Variants in GRIN2D observed in about 807,000 individuals in gnomAD.
The protein encoded by GRIN2D is glutamate receptor ionotropic, NMDA 2D.
Under a neutral mutation model 103.2 loss-of-function variants are expected in GRIN2D, and 37 were observed. The ratio of observed to expected loss-of-function variants is 0.36; its 90% confidence interval spans 0.28 to 0.47. The LOEUF (loss-of-function observed/expected upper bound fraction) is 0.47, where lower values mean the gene tolerates loss of function less well. Among genes scored for constraint, GRIN2D ranks in the 20% least tolerant of loss-of-function variants. GRIN2D has a pLI of 1.00. For missense variants in GRIN2D, 1,557 were observed against 1,910.6 expected (o/e 0.81, Z 3.45); for synonymous variants, 845 against 885.6 (o/e 0.95, Z 0.81).
At chr19:48,406,836 A>C (rs1389602339) in intron 4 of GRIN2D, among the ~76,000 whole-genome samples, 1 of 152,118 alleles carries the variant, frequency 6.6e-6, no homozygotes, top group Admixed American at 6.5e-5. Context: ...GTCTCACTGG[A>C]GTTTCCTTAG....
At chr19:48,396,882 C>T (rs1032215634) in intron 2 of GRIN2D, among the ~76,000 whole-genome samples, 30 of 152,212 alleles carry the variant, frequency 2.0e-4, no homozygotes, top group African/African-American at 6.7e-4. Flanking sequence ...CTCACCCCTT[C>T]TGGAAGCCCC....
At position 48,414,818 on chromosome 19, in the gene GRIN2D, TAAG is replaced by T; in HGVS notation, c.1413-45_1413-43del. 1 of 1,600,246 alleles carries T rather than the reference TAAG, an allele frequency of 6.2e-7. No homozygotes were observed. The highest frequency in any genetic ancestry group is 8.5e-7 in the Non-Finnish European group (1 of 1,171,154). On this transcript the variant is annotated intron_variant, in intron 6 of 13. Coordinates refer to ENST00000263269, the MANE Select transcript of GRIN2D (RefSeq NM_000836.4). This position sits in a 1 kb window ranked among gnomAD's most constrained non-coding sequence, Gnocchi z 4.6. Reference sequence around the variant, plus strand: ...CATATCCTCTCTTCATGAGAGAGTCTAAGGAGGGGGTCCCCAAACTCCCCAAGC... The same window carrying T: ...CATATCCTCTCTTCATGAGAGAGTCTGAGGGGGTCCCCAAACTCCCCAAGC...
chr19:48,417,009 T>G (rs1970957322), intron 8 of GRIN2D, among the ~76,000 whole-genome samples: 1 of 152,166 alleles, frequency 6.6e-6, no homozygotes, highest in African/African-American at 2.4e-5. Flanking sequence ...CCTCCCAAAA[T>G]GCTGGAATTA....
intron 4 of GRIN2D, among the ~76,000 whole-genome samples, chr19:48,408,784 C>T (rs1970821085): frequency 6.7e-6 from 1 of 149,760 alleles, no homozygotes; most frequent in Non-Finnish European, 1.5e-5. Flanking sequence ...CATACCACTG[C>T]ACTCCAGCCT....
At position 48,442,932 on chromosome 19, in the gene GRIN2D, G is replaced by A; in HGVS notation, c.3006G>A (p.Lys1002=). ...LSPPAAQPPQ[K]PPPSYFAIVR... is the part of the protein sequence containing the mutation. ...CGCCGGCCGCTCAGCCCCCGCAGAA[G>A]CCGCCGCCCTCCTATTTCGCCATCG... The change falls in exon 14 of 14, where the codon AAG becomes AAA. Residue 1002 remains lysine, a synonymous_variant. Transcript: ENST00000263269. The surrounding 1 kb of genome is among the most constrained non-coding windows in gnomAD (Gnocchi z 7.2). The A allele has an allele frequency of 8.8e-7, 1 of 1,132,632 alleles. No homozygotes were observed. Among genetic ancestry groups the A allele is most frequent in the Non-Finnish European group, 1.1e-6 (1 of 917,856 alleles). 70.2% of individuals were successfully genotyped at this position (1,132,632 alleles called of 1,614,324 possible).
intron 11 of GRIN2D, among the ~76,000 whole-genome samples, chr19:48,437,031 C>T (rs1049658972): frequency 6.6e-6 from 1 of 152,138 alleles, no homozygotes; most frequent in South Asian, 2.1e-4. Context: ...TGGGAACAAA[C>T]AAGAAAGAAA....
chr19:48,427,708 C>G (rs1971104925), intron 11 of GRIN2D, among the ~76,000 whole-genome samples: 1 of 151,830 alleles, frequency 6.6e-6, no homozygotes, highest in African/African-American at 2.4e-5. Flanking sequence ...ACCTTGAACT[C>G]TTGACCTTGT....
At position 48,442,409 on chromosome 19, in the gene GRIN2D, G is replaced by C. The variant is rs201199379; in HGVS notation, c.2673+27G>C. On this transcript the variant is annotated intron_variant, in intron 13 of 13. Transcript: ENST00000263269. The surrounding 1 kb of genome is among the most constrained non-coding windows in gnomAD (Gnocchi z 7.2). The stretch of plus-strand genomic sequence containing the variant: ...TATGGGGCAGAGAGGGAGGCAGAGA[G>C]GGGGAGATGGCAGGGGCGGGGACAA... The C allele has an allele frequency of 4.4e-6, 7 of 1,588,682 alleles. No individual in the cohort carries two copies. The highest frequency in any genetic ancestry group is 2.7e-5 in the African/African-American group (2 of 74,600).
intron 3 of GRIN2D, among the ~76,000 whole-genome samples, chr19:48,400,541 C>T (rs968854054): frequency 3.3e-5 from 5 of 152,212 alleles, no homozygotes; most frequent in African/African-American, 1.2e-4. Flanking sequence ...TCCCTCGTGC[C>T]TTCATTGCTG....
chr19:48,442,018 G>A lies in GRIN2D; in HGVS notation c.2440+62G>A, dbSNP rs1353220669. The stretch of plus-strand genomic sequence containing the variant: ...GGGAGGGCGAGGCCCCTGGGTTCCG[G>A]GGAAGAAAGGGACAAAGACCCGGAC... On this transcript the variant is annotated intron_variant, in intron 12 of 13. Coordinates refer to ENST00000263269, the MANE Select transcript of GRIN2D (RefSeq NM_000836.4). The surrounding 1 kb of genome is among the most constrained non-coding windows in gnomAD (Gnocchi z 7.2). 1 of 1,533,760 alleles carries A rather than the reference G, an allele frequency of 6.5e-7. No homozygotes were observed. The highest frequency in any genetic ancestry group is 1.4e-5 in the African/African-American group (1 of 73,296).
chr19:48,438,663 A>G (rs1244421645), intron 11 of GRIN2D, among the ~76,000 whole-genome samples: 3 of 151,520 alleles, frequency 2.0e-5, no homozygotes. Context: ...CGAACTCCTG[A>G]CCTCATGTGA....
In GRIN2D at chr19:48,405,617, ATG is replaced by A. The variant is rs1312212136; in HGVS notation, c.1085+268_1085+269del. Among the ~76,000 whole-genome samples the A allele has an allele frequency of 1.3e-5, 2 of 152,194 alleles. No homozygotes were observed. The highest frequency in any genetic ancestry group is 4.8e-5 in the African/African-American group (2 of 41,448). On this transcript the variant is annotated intron_variant, in intron 4 of 13. Coordinates refer to ENST00000263269, the MANE Select transcript of GRIN2D (RefSeq NM_000836.4). The surrounding 1 kb of genome is among the most constrained non-coding windows in gnomAD (Gnocchi z 5.1). ...ACATTTTAATGTCTTTGAAAACGAGATGTGTCTTATAATTGATGACTTATCAT... is the reference window on the plus strand; with the variant it reads ...ACATTTTAATGTCTTTGAAAACGAGATGTCTTATAATTGATGACTTATCAT...
intron 4 of GRIN2D, among the ~76,000 whole-genome samples, chr19:48,408,131 G>A (rs1244538723): frequency 2.0e-5 from 3 of 151,874 alleles, no homozygotes; most frequent in Non-Finnish European, 4.4e-5. Context: ...TCAGGAGATC[G>A]AGACCATCCT....
chr19:48,437,569 C>T (rs1473200934), intron 11 of GRIN2D, among the ~76,000 whole-genome samples: 1 of 152,136 alleles, frequency 6.6e-6, no homozygotes, highest in African/African-American at 2.4e-5. Context: ...ATATTTCCAC[C>T]ACTGGAAGCC....
intron 3 of GRIN2D, 148 bp downstream of exon 3, chr19:48,399,005 T>A: frequency 1.4e-6 from 1 of 739,794 alleles, no homozygotes; most frequent in Non-Finnish European, 1.9e-6. Context: ...GCCCAGATGG[T>A]AGGCAGGGCT....
chr19:48,444,076 G>A lies in GRIN2D; in HGVS notation c.*139G>A, dbSNP rs972748597. On this transcript the variant is annotated 3_prime_UTR_variant, in exon 14 of 14. Coordinates refer to ENST00000263269, the MANE Select transcript of GRIN2D (RefSeq NM_000836.4). The surrounding 1 kb of genome is among the most constrained non-coding windows in gnomAD (Gnocchi z 5.5). ...GACCCCGCCTGGAGCAGCGTCCTGC[G>A]CCCCCTGGTTCTGGAGGAACCGCAA... The A allele has an allele frequency of 6.0e-6, 3 of 503,028 alleles. No homozygotes were observed. The highest frequency in any genetic ancestry group is 4.4e-5 in the Admixed American group (1 of 22,786). 31.2% of individuals were successfully genotyped at this position (503,028 alleles called of 1,614,324 possible). A position where few individuals can be genotyped will look rare whatever the true frequency, so the allele number is the denominator to read the frequency against.
At position 48,442,018 on chromosome 19, in the gene GRIN2D, G is replaced by C. The variant is rs1353220669; in HGVS notation, c.2440+62G>C. The C allele has an allele frequency of 2.6e-6, 4 of 1,533,762 alleles. No individual in the cohort carries two copies. The African/African-American group carries it at 4.1e-5, about 16-fold the overall frequency. ...GGGAGGGCGAGGCCCCTGGGTTCCGGGGAAGAAAGGGACAAAGACCCGGAC... is the reference window on the plus strand; with the variant it reads ...GGGAGGGCGAGGCCCCTGGGTTCCGCGGAAGAAAGGGACAAAGACCCGGAC... On this transcript the variant is annotated intron_variant, in intron 12 of 13. Transcript: ENST00000263269. This position sits in a 1 kb window ranked among gnomAD's most constrained non-coding sequence, Gnocchi z 7.2.
chr19:48,419,296 A>C lies in GRIN2D; in HGVS notation c.1798A>C (p.Thr600Pro). The change falls in exon 9 of 14, where the codon ACT becomes CCT. Residue 600 changes from threonine to proline, a missense_variant. Thr to Pro is a conservative substitution (Grantham distance 38). Around this residue, in one of 7 missense-constraint regions of GRIN2D, gnomAD observed 197 missense variants for 334.1 expected, o/e 0.59. Coordinates refer to ENST00000263269, the MANE Select transcript of GRIN2D (RefSeq NM_000836.4). ...FVMCLTVVAVTVFIFEYLSPV... is the reference protein window; with the variant it reads ...FVMCLTVVAVPVFIFEYLSPV... The stretch of plus-strand genomic sequence containing the variant: ...CATGTGCCTCACTGTGGTCGCCGTC[A>C]CTGTTTTCATCTTCGAGTACCTCAG... 1 of 1,605,840 alleles carries C rather than the reference A, an allele frequency of 6.2e-7. No homozygotes were observed. The highest frequency in any genetic ancestry group is 8.5e-7 in the Non-Finnish European group (1 of 1,177,088).
intron 11 of GRIN2D, among the ~76,000 whole-genome samples, chr19:48,433,706 A>C (rs938744725): frequency 2.0e-5 from 3 of 152,174 alleles, no homozygotes; most frequent in Admixed American, 2.0e-4. Flanking sequence ...AGGAAATATC[A>C]AGGCCCCTTT....
Sources: gnomAD v4.1 joint callset for allele counts (sites outside exome capture counted in the v4.1 genomes callset) on GRCh38, gnomAD v4.1.1 for gene constraint, gnomAD v4.1.1 regional missense constraint, Gnocchi (gnomAD v3.1) non-coding constraint, MANE v1.5 for transcripts, NCBI Gene and HGNC (gene_info 2026-07-23, HGNC 2026-07-21) for gene names.